Variants in GALNT13 observed in about 807,000 individuals in gnomAD.
GALNT13 encodes UDP-GalNAc:polypeptide N-acetylgalactosaminyltransferase 13.
GALNT13 carries 28 observed loss-of-function variants against 64.2 expected under a neutral mutation model. The observed-to-expected ratio is 0.44, with a 90% CI of 0.32 to 0.60. The LOEUF is 0.60. Ranked by LOEUF, GALNT13 falls within the 20% of genes least tolerant of loss-of-function variation. The probability of loss-of-function intolerance (pLI) is 0.05; values close to 1 mark genes in which losing one functional copy is unlikely to be tolerated. For missense variants in GALNT13, 577 were observed against 669.8 expected (o/e 0.86, Z 1.53); for synonymous variants, 214 against 224.6 (o/e 0.95, Z 0.42).
intron 3 of GALNT13, among the ~76,000 whole-genome samples, chr2:154,080,083 C>A (rs1167244782): frequency 6.6e-6 from 1 of 151,388 alleles, no homozygotes; most frequent in African/African-American, 2.4e-5. Context: ...TTTAAAAACC[C>A]AACATTGTTG....
chr2:154,062,222 C>T (rs528043522), intron 3 of GALNT13, among the ~76,000 whole-genome samples: 2 of 152,212 alleles, frequency 1.3e-5, no homozygotes, highest in African/African-American at 4.8e-5. Flanking sequence ...TGTGTCATTC[C>T]TATGGGTGGA....
intron 3 of GALNT13, among the ~76,000 whole-genome samples, chr2:154,131,124 A>G (rs1262202875): frequency 6.6e-6 from 1 of 152,232 alleles, no homozygotes; most frequent in African/African-American, 2.4e-5. Context: ...TTCTTAATAC[A>G]GAAGAAAATA....
the GALNT13 span, among the ~76,000 whole-genome samples, chr2:153,687,069 T>C: frequency 1.3e-5 from 2 of 151,984 alleles, no homozygotes; most frequent in East Asian, 1.9e-4. Context: ...TTTTTTACAT[T>C]GAAGTTTATC....
At chr2:153,307,195 A>G in the GALNT13 span, among the ~76,000 whole-genome samples, 1 of 152,238 alleles carries the variant, frequency 6.6e-6, no homozygotes, top group Non-Finnish European at 1.5e-5. Flanking sequence ...TAAACCTGGA[A>G]CAAGTATTTG....
chr2:153,644,111 CTG>C, the GALNT13 span, among the ~76,000 whole-genome samples: 2 of 151,972 alleles, frequency 1.3e-5, no homozygotes, highest in African/African-American at 4.8e-5. Context: ...AGGAGGGACA[CTG>C]TCATTATTTG....
At chr2:153,345,718 T>TTTCTTTCCTTCCTTCC in the GALNT13 span, among the ~76,000 whole-genome samples, 1 of 45,204 alleles carries the variant, frequency 2.2e-5, no homozygotes. Flanking sequence ...TCTCTCTTTC[T>TTTCTTTCCTTCCTTCC]GTCCTTCCTT....
chr2:153,736,977 C>A, the GALNT13 span, among the ~76,000 whole-genome samples: 12 of 152,218 alleles, frequency 7.9e-5, no homozygotes, highest in Admixed American at 6.5e-4. Context: ...CTGCCACCAT[C>A]ACTCTTCTGG....
At chr2:153,938,649 G>A (rs760887157) in intron 2 of GALNT13, among the ~76,000 whole-genome samples, 9 of 152,126 alleles carry the variant, frequency 5.9e-5, no homozygotes, top group Admixed American at 3.3e-4. Context: ...CTGGAGGCTA[G>A]AAGTCCAAAA....
At chr2:153,069,934 A>G in the GALNT13 span, among the ~76,000 whole-genome samples, 1 of 152,122 alleles carries the variant, frequency 6.6e-6, no homozygotes, top group African/African-American at 2.4e-5. Context: ...ATGCCATTAT[A>G]TTTGAAAATT....
chr2:153,829,105 A>C, the GALNT13 span, among the ~76,000 whole-genome samples: 1 of 152,234 alleles, frequency 6.6e-6, no homozygotes, highest in Admixed American at 6.5e-5. Context: ...CCATTCAACA[A>C]GTATCTAGGG....
At chr2:153,688,216 A>G in the GALNT13 span, among the ~76,000 whole-genome samples, 5 of 151,936 alleles carry the variant, frequency 3.3e-5, no homozygotes, top group Admixed American at 6.6e-5. Flanking sequence ...GGCAAAGTTG[A>G]GTAGTTGTAA....
the GALNT13 span, among the ~76,000 whole-genome samples, chr2:153,585,376 A>T: frequency 6.6e-6 from 1 of 152,194 alleles, no homozygotes; most frequent in Non-Finnish European, 1.5e-5. Context: ...TCAGTTAGAC[A>T]AAAGTAAAGC....
chr2:154,274,319 A>G (rs908164335), intron 8 of GALNT13, among the ~76,000 whole-genome samples: 1 of 152,190 alleles, frequency 6.6e-6, no homozygotes, highest in Non-Finnish European at 1.5e-5. Flanking sequence ...AGAATTTAGA[A>G]ATAAAAAATT....
chr2:154,246,798 A>G (rs1187602437), intron 7 of GALNT13, among the ~76,000 whole-genome samples: 1 of 152,106 alleles, frequency 6.6e-6, no homozygotes, highest in Non-Finnish European at 1.5e-5. Context: ...AGCATTGTCA[A>G]CAGGTTCTTG....
At chr2:154,157,649 A>G (rs1365201449) in intron 4 of GALNT13, among the ~76,000 whole-genome samples, 1 of 152,104 alleles carries the variant, frequency 6.6e-6, no homozygotes, top group Non-Finnish European at 1.5e-5. Context: ...TTATTCCAAA[A>G]AGTTCTTGAA....
the GALNT13 span, among the ~76,000 whole-genome samples, chr2:153,598,365 AG>A: frequency 0.023 from 3,520 of 152,060 alleles, 57 homozygotes; most frequent in Non-Finnish European, 0.036. Flanking sequence ...TTCTTCAAAA[AG>A]CTTTTACCCA....
At chr2:153,836,016 T>G in the GALNT13 span, among the ~76,000 whole-genome samples, 4 of 152,060 alleles carry the variant, frequency 2.6e-5, no homozygotes, top group Admixed American at 2.6e-4. Flanking sequence ...TGAATTTATC[T>G]TGTCCCCTGA....
the GALNT13 span, among the ~76,000 whole-genome samples, chr2:153,715,802 C>T: frequency 2.0e-5 from 3 of 151,304 alleles, no homozygotes; most frequent in South Asian, 6.3e-4. Flanking sequence ...GGTTTACATG[C>T]TAGCTCCCTC....
intron 9 of GALNT13, among the ~76,000 whole-genome samples, chr2:154,353,406 A>G (rs1474262549): frequency 6.6e-6 from 1 of 152,180 alleles, no homozygotes; most frequent in Non-Finnish European, 1.5e-5. Context: ...ATCACCTCAC[A>G]TAGTTACGTG....
Sources: allele counts gnomAD v4.1 joint callset (sites outside exome capture counted in the v4.1 genomes callset), GRCh38; gene constraint gnomAD v4.1.1; transcripts MANE v1.5; gene names NCBI Gene and HGNC (gene_info 2026-07-23, HGNC 2026-07-21).